Variants in FARP1 observed in about 807,000 individuals in gnomAD.
The protein encoded by FARP1 is FERM, ARH/RhoGEF and pleckstrin domain protein 1, also known as FERM, ARHGEF and pleckstrin domain-containing protein 1.
In FARP1, 52 loss-of-function variants were observed where a neutral mutation model predicts 128.8. The ratio of observed to expected loss-of-function variants is 0.40; its 90% CI spans 0.32 to 0.51. The LOEUF (loss-of-function observed/expected upper bound fraction) is 0.51. FARP1 is among the 20% of genes least tolerant of loss of function. The pLI is 0.45. For missense variants in FARP1, 1,333 were observed against 1,367.9 expected (o/e 0.97, Z 0.40); for synonymous variants, 580 against 551.8 (o/e 1.05, Z -0.72).
intron 2 of FARP1, among the ~76,000 whole-genome samples, chr13:98,296,843 C>G (rs548489166): frequency 3.3e-5 from 5 of 152,074 alleles, no homozygotes; most frequent in Non-Finnish European, 7.4e-5. Flanking sequence ...AGCCACCATG[C>G]CTGGCTAATT....
intron 1 of FARP1, among the ~76,000 whole-genome samples, chr13:98,178,382 G>A (rs1393672239): frequency 6.6e-6 from 1 of 151,938 alleles, no homozygotes; most frequent in African/African-American, 2.4e-5. Context: ...TTTTAGTAGC[G>A]ACAGGGTTTC....
intron 9 of FARP1, chr13:98,389,755 G>A: frequency 2.0e-6 from 1 of 500,736 alleles, no homozygotes; most frequent in Non-Finnish European, 3.5e-6. Context: ...GATTCTGTGG[G>A]GAAGAAAATG....
Position 98,395,206 on chromosome 13 carries a change from CT to C in FARP1, c.1165-16del, listed in dbSNP as rs1355541424. 16 of 1,577,510 alleles carry C rather than the reference CT, an allele frequency of 1.0e-5. No homozygotes were observed. The highest frequency in any genetic ancestry group is 2.3e-5 in the South Asian group (2 of 88,530). On this transcript the variant is annotated intron_variant, in intron 12 of 26. Transcript: ENST00000319562. ...CTCCCTCTTCTCTATCTCTCCGCACCTTTTTCCCCACCCCACCCAGTCTCAG... is the reference window on the plus strand; with the variant it reads ...CTCCCTCTTCTCTATCTCTCCGCACCTTTTCCCCACCCCACCCAGTCTCAG...
At chr13:98,232,313 G>T (rs1434454000) in intron 2 of FARP1, among the ~76,000 whole-genome samples, 3 of 152,158 alleles carry the variant, frequency 2.0e-5, no homozygotes, top group Non-Finnish European at 4.4e-5. Context: ...TATAGGAAAA[G>T]ATTTCTGTCA....
intron 2 of FARP1, among the ~76,000 whole-genome samples, chr13:98,269,216 A>G (rs1884277435): frequency 6.6e-6 from 1 of 152,226 alleles, no homozygotes; most frequent in African/African-American, 2.4e-5. Flanking sequence ...ACCTCATCTA[A>G]ATATATCTCC....
intron 3 of FARP1, among the ~76,000 whole-genome samples, chr13:98,361,282 G>T (rs1357081815): frequency 1.3e-5 from 2 of 152,132 alleles, no homozygotes; most frequent in Non-Finnish European, 2.9e-5. Context: ...CAGTGTTCCC[G>T]CTGCGGAGCT....
chr13:98,364,213 A>C (rs1888991041), intron 3 of FARP1, among the ~76,000 whole-genome samples: 1 of 152,210 alleles, frequency 6.6e-6, no homozygotes. Flanking sequence ...AGTACTTTTT[A>C]GGGCTTAGGT....
At chr13:98,175,970 T>G (rs1482213267) in intron 1 of FARP1, 2 of 607,188 alleles carry the variant, frequency 3.3e-6, no homozygotes, top group Admixed American at 3.1e-5. Context: ...CCATGGACAC[T>G]TGGGTTGTTT....
At chr13:98,433,007 T>C (rs1892105454) in intron 18 of FARP1, 1 of 152,324 alleles carries the variant, frequency 6.6e-6, no homozygotes, top group South Asian at 2.1e-4. Flanking sequence ...AACATGTAAA[T>C]AGGAGTTTTC....
At chr13:98,161,944 T>C (rs548418713) in intron 1 of FARP1, among the ~76,000 whole-genome samples, 54 of 152,212 alleles carry the variant, frequency 3.5e-4, no homozygotes, top group African/African-American at 1.3e-3. Flanking sequence ...CACTTCTGGC[T>C]AATTTTTGGA....
intron 2 of FARP1, among the ~76,000 whole-genome samples, chr13:98,314,922 A>G (rs1886657276): frequency 6.6e-6 from 1 of 152,180 alleles, no homozygotes; most frequent in Non-Finnish European, 1.5e-5. Flanking sequence ...GATTGAAGAT[A>G]GCAGATGGTT....
intron 2 of FARP1, among the ~76,000 whole-genome samples, chr13:98,315,307 A>G (rs908669337): frequency 1.3e-5 from 2 of 152,012 alleles, no homozygotes; most frequent in Non-Finnish European, 2.9e-5. Flanking sequence ...AGATCTCACT[A>G]TATTGCCCAA....
chr13:98,379,420 G>C (rs991903778), intron 6 of FARP1, among the ~76,000 whole-genome samples: 1 of 151,220 alleles, frequency 6.6e-6, no homozygotes, highest in African/African-American at 2.4e-5. Flanking sequence ...AGAGGAGGGA[G>C]AGGAGGCTTT....
chr13:98,417,455 G>GGGAAAAAAAAA (rs1491453247), intron 16 of FARP1, among the ~76,000 whole-genome samples: 632 of 58,482 alleles, frequency 0.011, 19 homozygotes, highest in South Asian at 0.032. Flanking sequence ...CCAGAGGTTT[G>GGGAAAAAAAAA]AAAAAAAAAA....
rs999486442 is a variant in FARP1 at position 98,451,163 on chromosome 13, A to T, written c.*2846A>T. On this transcript the variant is annotated 3_prime_UTR_variant, in exon 27 of 27. Transcript: ENST00000319562. ...CATTGTCCATTTGTAAATCTGAAGA[A>T]CTCTGTAAATCAGAAAAGCTGCTGT... 6.6e-6 allele frequency: 1 copy of T among 152,154 alleles called. No homozygotes were observed. The highest frequency in any genetic ancestry group is 2.4e-5 in the African/African-American group (1 of 41,422). The allele number at this position is 152,154 out of a possible 1,614,324, so 9.4% of individuals were successfully genotyped here. A position where few individuals can be genotyped will look rare whatever the true frequency, so the allele number is the denominator to read the frequency against.
At chr13:98,262,019 C>T (rs1209962930) in intron 2 of FARP1, among the ~76,000 whole-genome samples, 1 of 148,268 alleles carries the variant, frequency 6.7e-6, no homozygotes, top group African/African-American at 2.5e-5. Flanking sequence ...CCCCGCCCCC[C>T]CAACTTTTTT....
chr13:98,235,835 T>TC (rs1882380086), intron 2 of FARP1, among the ~76,000 whole-genome samples: 1 of 151,278 alleles, frequency 6.6e-6, no homozygotes, highest in Non-Finnish European at 1.5e-5. Flanking sequence ...TTTTTTTTTT[T>TC]TCCCTGAGAC....
chr13:98,222,794 A>AT (rs34198874), intron 2 of FARP1, among the ~76,000 whole-genome samples: 7,668 of 124,728 alleles, frequency 0.061, 315 homozygotes, highest in African/African-American at 0.11. Context: ...TGCCCAGCTA[A>AT]TTTTTTTTTT....
At chr13:98,274,497 C>T (rs9513387) in intron 2 of FARP1, among the ~76,000 whole-genome samples, 45,161 of 151,850 alleles carry the variant, frequency 0.3, 7,061 homozygotes, top group South Asian at 0.47. Context: ...AATATTTCTA[C>T]GATAATAGTT....
Sources: allele counts gnomAD v4.1 joint callset (sites outside exome capture counted in the v4.1 genomes callset), GRCh38; gene constraint gnomAD v4.1.1; transcripts MANE v1.5; gene names NCBI Gene and HGNC (gene_info 2026-07-23, HGNC 2026-07-21).